The following ULK2 variants were observed in gnomAD, a reference collection of about 807,000 sequenced individuals.
ULK2 encodes unc-51 like autophagy activating kinase 2.
ULK2 carries 76 observed loss-of-function variants against 127.5 expected under a neutral mutation model. The observed-to-expected ratio is 0.60, with a 90% CI of 0.50 to 0.72. ULK2 has a LOEUF of 0.72. Among genes scored for constraint, ULK2 ranks in the 30% least tolerant of loss-of-function variants. ULK2 has a pLI of 0.00. For missense variants in ULK2, 1,144 were observed against 1,295.9 expected (o/e 0.88, Z 1.80); for synonymous variants, 452 against 461.9 (o/e 0.98, Z 0.28).
chr17:19,841,611 T>C, intron 8 of ULK2, 64 bp from the exon 9 acceptor site: 1 of 1,306,726 alleles, frequency 7.7e-7, no homozygotes, highest in South Asian at 1.3e-5. Context: ...ATCATATGAT[T>C]GACACTCATA....
At chr17:19,804,438 A>G (rs1018497505) in intron 15 of ULK2, among the ~76,000 whole-genome samples, 8 of 151,846 alleles carry the variant, frequency 5.3e-5, no homozygotes, top group Non-Finnish European at 1.2e-4. Context: ...TTTTAAGTAT[A>G]TATGTCTATA....
intron 1 of ULK2, 114 bp from the exon 2 acceptor site, chr17:19,865,942 G>T (rs1390364623): frequency 1.3e-5 from 8 of 609,890 alleles, no homozygotes; most frequent in South Asian, 3.9e-5. Context: ...GGGGAAAAAT[G>T]GAATTATTTT....
intron 26 of ULK2, among the ~76,000 whole-genome samples, chr17:19,777,144 G>A (rs966630192): frequency 2.0e-5 from 3 of 152,064 alleles, no homozygotes; most frequent in Non-Finnish European, 2.9e-5. Context: ...TTGCTTTGTC[G>A]CCCAGGCTGG....
At chr17:19,787,403 C>T (rs867280870) in intron 20 of ULK2, among the ~76,000 whole-genome samples, 34 of 151,558 alleles carry the variant, frequency 2.2e-4, no homozygotes, top group African/African-American at 2.4e-5. Context: ...CCTCCTGCCT[C>T]GGCCTTCCAC....
In ULK2 at chr17:19,832,717, C is replaced by A. The variant is rs116415269; in HGVS notation, c.787+5784G>T. Among the ~76,000 whole-genome samples the A allele has an allele frequency of 1.5e-3, 224 of 152,196 alleles. 1 individual carries two copies. Among genetic ancestry groups the A allele is most frequent in the African/African-American group, 5.0e-3 (207 of 41,510 alleles). ...GTGACCCCTAGGAAACTGGGCTTTA[C>A]AATTTTTTTAACTGAAAAAAATACA... On this transcript the variant is annotated intron_variant, in intron 10 of 26. Coordinates refer to ENST00000395544, the MANE Select transcript of ULK2 (RefSeq NM_014683.4).
intron 20 of ULK2, among the ~76,000 whole-genome samples, chr17:19,786,978 T>C (rs1229209247): frequency 2.0e-5 from 3 of 150,334 alleles, no homozygotes; most frequent in East Asian, 2.0e-4. Flanking sequence ...CTATAGCATA[T>C]AGAAATGTAA....
chr17:19,845,250 C>A, intron 7 of ULK2, 54 bp downstream of exon 7: 1 of 1,475,118 alleles, frequency 6.8e-7, no homozygotes, highest in South Asian at 1.2e-5. Flanking sequence ...TATTTAAATT[C>A]CAATGATTAT....
In ULK2 at chr17:19,775,535, C is replaced by T. The variant is rs2086797800; in HGVS notation, c.*814G>A. The T allele has an allele frequency of 6.7e-6, 1 of 150,354 alleles. No individual in the cohort carries two copies. Among genetic ancestry groups the T allele is most frequent in the South Asian group, 2.1e-4 (1 of 4,754 alleles). The allele number at this position is 150,354 out of a possible 1,614,324, so 9.3% of individuals were successfully genotyped here. Reference sequence around the variant, plus strand: ...AAATGGAACCAAAAGCTAACAAAAACATTACTGAGAAAATCTGTAGGTGTA... The same window carrying T: ...AAATGGAACCAAAAGCTAACAAAAATATTACTGAGAAAATCTGTAGGTGTA... On this transcript the variant is annotated 3_prime_UTR_variant, in exon 27 of 27. Coordinates refer to ENST00000395544, the MANE Select transcript of ULK2 (RefSeq NM_014683.4).
chr17:19,797,329 C>T, intron 18 of ULK2, 67 bp downstream of exon 18: 1 of 1,461,228 alleles, frequency 6.8e-7, no homozygotes, highest in Admixed American at 2.4e-5. Context: ...TAGCTATTCT[C>T]ATAATGAATC....
chr17:19,795,736 T>G lies in ULK2; in HGVS notation c.1998-11A>C. On this transcript the variant is annotated splice_polypyrimidine_tract_variant and intron_variant, in intron 19 of 26. Coordinates refer to ENST00000395544, the MANE Select transcript of ULK2 (RefSeq NM_014683.4). Reference sequence around the variant, plus strand: ...CCGGTACTGACAGATCTAAAAAGAATAGTGATGTTTTTAATAAAGGAAAAG... The same window carrying G: ...CCGGTACTGACAGATCTAAAAAGAAGAGTGATGTTTTTAATAAAGGAAAAG... The G allele has an allele frequency of 6.2e-7, 1 of 1,607,310 alleles. No individual in the cohort carries two copies. The highest frequency in any genetic ancestry group is 8.5e-7 in the Non-Finnish European group (1 of 1,173,984).
chr17:19,851,665 TA>T (rs909571717), intron 3 of ULK2, among the ~76,000 whole-genome samples: 40 of 150,216 alleles, frequency 2.7e-4, no homozygotes, highest in African/African-American at 9.5e-4. Flanking sequence ...ATAATAAAAA[TA>T]AAAAAGTCTT....
chr17:19,838,563 G>A lies in ULK2; in HGVS notation c.725C>T (p.Pro242Leu). The change falls in exon 10 of 27, where the codon CCT becomes CTT. Residue 242 changes from proline (P) to leucine (L), a missense_variant. By Grantham distance (98) the Pro-to-Leu change is moderately conservative. Transcript: ENST00000395544. ...LMPSIPRETS[P>L]YLANLLLGLL... The stretch of plus-strand genomic sequence containing the variant: ...ACCCAAAAGGAGATTAGCCAAATAA[G>A]GTGATGTTTCTCTGGGAATACTGGG... 2 of 1,612,328 alleles carry A rather than the reference G, an allele frequency of 1.2e-6. No homozygotes were observed. Among genetic ancestry groups the A allele is most frequent in the South Asian group, 1.1e-5 (1 of 90,636 alleles).
chr17:19,838,704 T>C, intron 9 of ULK2, 121 bp from the exon 10 acceptor site: 5 of 786,776 alleles, frequency 6.4e-6, no homozygotes, highest in East Asian at 2.7e-5. Flanking sequence ...AATACATTTA[T>C]ACCACGAAGA....
At chr17:19,779,683 A>AAAACCAGAAAATAGGAAAAG (rs2086879638) in intron 25 of ULK2, among the ~76,000 whole-genome samples, 1 of 152,190 alleles carries the variant, frequency 6.6e-6, no homozygotes, top group African/African-American at 2.4e-5. Flanking sequence ...TTCCAATATT[A>AAAACCAGAAAATAGGAAAAG]AAACCAGAAA....
intron 12 of ULK2, among the ~76,000 whole-genome samples, chr17:19,823,005 T>C (rs62068128): frequency 6.6e-6 from 1 of 151,070 alleles, no homozygotes; most frequent in Non-Finnish European, 1.5e-5. Flanking sequence ...TTTTTTTTTT[T>C]AATAGAGGCA....
At chr17:19,794,196 A>G (rs1400135530) in intron 20 of ULK2, among the ~76,000 whole-genome samples, 2 of 152,112 alleles carry the variant, frequency 1.3e-5, no homozygotes, top group East Asian at 3.8e-4. Flanking sequence ...AGAATGAAAG[A>G]AGAAGAAGAA....
intron 10 of ULK2, among the ~76,000 whole-genome samples, chr17:19,831,253 G>A (rs566681088): frequency 5.9e-5 from 9 of 151,688 alleles, no homozygotes; most frequent in African/African-American, 1.7e-4. Context: ...GAGGAAATCC[G>A]CCCCCATGAT....
intron 12 of ULK2, among the ~76,000 whole-genome samples, chr17:19,819,804 T>G (rs988814447): frequency 7.9e-5 from 12 of 152,092 alleles, no homozygotes; most frequent in Non-Finnish European, 1.6e-4. Flanking sequence ...ACCTGGCTCT[T>G]CTCCTTCCTT....
intron 13 of ULK2, 78 bp downstream of exon 13, chr17:19,816,671 G>T (rs958420761): frequency 7.5e-7 from 1 of 1,337,764 alleles, no homozygotes; most frequent in Non-Finnish European, 9.9e-7. Flanking sequence ...ACAAGAAAGT[G>T]TAATATATGG....
Sources: gnomAD v4.1 joint callset for allele counts (sites outside exome capture counted in the v4.1 genomes callset) on GRCh38, gnomAD v4.1.1 for gene constraint, MANE v1.5 for transcripts, NCBI Gene and HGNC (gene_info 2026-07-23, HGNC 2026-07-21) for gene names.